Variants in TNRC6C observed in about 807,000 individuals in gnomAD.
TNRC6C encodes the protein trinucleotide repeat-containing gene 6C protein.
Under a neutral mutation model 153.7 loss-of-function variants are expected in TNRC6C, and 20 were observed. The ratio of observed to expected loss-of-function variants is 0.13; its 90% CI spans 0.09 to 0.19. The LOEUF (loss-of-function observed/expected upper bound fraction) is 0.19, where lower values mean the gene tolerates loss of function less well. Ranked by LOEUF, TNRC6C falls within the 10% of genes least tolerant of loss-of-function variation. The pLI, the probability that TNRC6C is intolerant of heterozygous loss-of-function variation, is 1.00. For missense variants in TNRC6C, 1,987 were observed against 2,172.0 expected (o/e 0.91, Z 1.69); for synonymous variants, 811 against 841.4 (o/e 0.96, Z 0.63).
rs370401770 is a variant in TNRC6C, at chr17:78,054,117, C to T, written c.2395+2660C>T. On this transcript the variant is annotated intron_variant, in intron 3 of 19. Coordinates refer to ENST00000301624, the Ensembl canonical transcript of TNRC6C. ...CTGAATACTGTAGGCAGTTGTAGGA[C>T]GATGGTAAGTATTTATATATCTAAA... Among the ~76,000 whole-genome samples the T allele has an allele frequency of 4.7e-4, 72 of 152,118 alleles. 1 individual carries two copies. Among genetic ancestry groups the T allele is most frequent in the South Asian group, 1.0e-3 (5 of 4,820 alleles).
At chr17:78,058,132 C>T (rs1447793567) in intron 3 of TNRC6C, among the ~76,000 whole-genome samples, 1 of 152,218 alleles carries the variant, frequency 6.6e-6, no homozygotes, top group African/African-American at 2.4e-5. Context: ...ATTACTCAGT[C>T]TCTGGTGCGA....
At chr17:78,091,407 G>C (rs763586372) in intron 13 of TNRC6C, 33 bp from the exon 16 acceptor site, 1 of 1,534,926 alleles carries the variant, frequency 6.5e-7, no homozygotes, top group East Asian at 2.5e-5. Flanking sequence ...ATTTAGAGGA[G>C]CAGGCGAATC....
intron 8 of TNRC6C, 124 bp from the exon 11 acceptor site, chr17:78,077,061 C>T: frequency 9.1e-7 from 1 of 1,104,682 alleles, no homozygotes; most frequent in Non-Finnish European, 1.3e-6. Flanking sequence ...ATTCCCTTAT[C>T]CACACTTTTT....
upstream of TNRC6C, among the ~76,000 whole-genome samples, chr17:78,002,792 C>T (rs544672031): frequency 7.9e-5 from 12 of 152,324 alleles, no homozygotes; most frequent in South Asian, 4.1e-4. Flanking sequence ...CCACCTCCCT[C>T]CATCCTTGTT....
upstream of TNRC6C, among the ~76,000 whole-genome samples, chr17:78,000,866 CAT>C (rs1250657605): frequency 1.3e-5 from 2 of 152,154 alleles, no homozygotes; most frequent in Non-Finnish European, 2.9e-5. Flanking sequence ...TAATTTGTAA[CAT>C]TTTTCATCCA....
At chr17:78,077,199 G>A in exon 9 of TNRC6C, 1 of 1,602,152 alleles carries the variant, frequency 6.2e-7, no homozygotes, top group Non-Finnish European at 8.5e-7. Flanking sequence ...GCGGCCTCGT[G>A]GAAGAGCCCA....
chr17:77,999,333 C>T (rs181891568), upstream of TNRC6C, among the ~76,000 whole-genome samples: 1 of 152,330 alleles, frequency 6.6e-6, no homozygotes, highest in African/African-American at 2.4e-5. Flanking sequence ...GGGCCCACTC[C>T]CTGGGCAAAG....
intron 9 of TNRC6C, chr17:78,077,725 G>A (rs2073109203): frequency 1.0e-5 from 2 of 195,992 alleles, no homozygotes. Context: ...CTGCGAGAAA[G>A]CACCACATTC....
chr17:77,982,532 A>G (rs933910032), intron 1 of TNRC6C, among the ~76,000 whole-genome samples: 1 of 152,244 alleles, frequency 6.6e-6, no homozygotes, highest in African/African-American at 2.4e-5. Context: ...AAAAAGGATC[A>G]TAGAATAGGA....
intron 1 of TNRC6C, among the ~76,000 whole-genome samples, chr17:77,967,728 A>G (rs2070909260): frequency 6.6e-6 from 1 of 152,236 alleles, no homozygotes; most frequent in Non-Finnish European, 1.5e-5. Context: ...GATCAATTAC[A>G]AGGTAATTCC....
intron 10 of TNRC6C, among the ~76,000 whole-genome samples, chr17:78,081,995 C>T (rs983206675): frequency 3.3e-5 from 5 of 151,866 alleles, no homozygotes; most frequent in East Asian, 1.9e-4. Flanking sequence ...TTATTCTTTA[C>T]GTGCTAACTA....
chr17:78,105,113 ATTTTT>A (rs57885030), exon 20 of TNRC6C: 12 of 296,008 alleles, frequency 4.1e-5, no homozygotes, highest in African/African-American at 2.1e-4. Flanking sequence ...TGTCATTTTG[ATTTTT>A]TTTTTTTTTT....
rs199763154 is a variant in TNRC6C at position 78,016,226 on chromosome 17, GTCTC to G, written c.-546+11152_-546+11155del. On this transcript the variant is annotated intron_variant, in intron 1 of 19. Coordinates refer to ENST00000301624, the Ensembl canonical transcript of TNRC6C. Reference sequence around the variant, plus strand: ...GGGGTCAGGAAGCGGCACTAACACTGTCTCTCTCAGCCACAAAAGGAGCGATTGG... The same window carrying G: ...GGGGTCAGGAAGCGGCACTAACACTGTCTCAGCCACAAAAGGAGCGATTGG... 7.5e-3 allele frequency among the ~76,000 whole-genome samples: 1,136 copies of G among 152,306 alleles called. 7 individuals carry two copies. Among genetic ancestry groups the G allele is most frequent in the Admixed American group, 0.013 (199 of 15,298 alleles).
chr17:78,076,072 C>T (rs899704901), intron 8 of TNRC6C, among the ~76,000 whole-genome samples: 4 of 151,790 alleles, frequency 2.6e-5, no homozygotes, highest in African/African-American at 7.3e-5. Context: ...CAAGAATTAG[C>T]GAGCATGGTG....
Position 78,084,627 on chromosome 17 carries a change from T to C in TNRC6C, c.3477+1461T>C, listed in dbSNP as rs573894386. On this transcript the variant is annotated intron_variant, in intron 11 of 19. Coordinates refer to ENST00000301624, the Ensembl canonical transcript of TNRC6C. The stretch of plus-strand genomic sequence containing the variant: ...GTTTTTTCTTTTTCTTTTTCTTTTT[T>C]TTTTTTTTTTGAGACGGCGTCTTGC... Among the ~76,000 whole-genome samples, 57 of 150,430 alleles carry C rather than the reference T, an allele frequency of 3.8e-4. 2 individuals carry two copies. In the South Asian group the frequency reaches 9.7e-3, roughly 26 times the overall value.
rs1164204282 is a variant in TNRC6C at position 78,104,756 on chromosome 17, C to G, written c.4984C>G (p.Pro1662Ala). 8.7e-6 allele frequency: 13 copies of G among 1,492,466 alleles called. No individual in the cohort carries two copies. The highest frequency in any genetic ancestry group is 2.3e-4 in the Middle Eastern group (1 of 4,282). 92.5% of individuals were successfully genotyped at this position (1,492,466 alleles called of 1,614,324 possible). A position where few individuals can be genotyped will look rare whatever the true frequency, so the allele number is the denominator to read the frequency against. The change falls in exon 20 of 20, where the codon CCC becomes GCC. Residue 1662 changes from proline (P) to alanine (A), a missense_variant. This residue lies in a region of TNRC6C where 139 missense variants were observed against 148.5 expected (regional missense o/e 0.94). Transcript: ENST00000301624. This position sits in a 1 kb window ranked among gnomAD's most constrained non-coding sequence, Gnocchi z 6.2. ...GTACTCCAGCAGCCTGTGGGGCCCG[C>G]CCAGCGCCGACGACAGCAGGGTGAT...
intron 2 of TNRC6C, among the ~76,000 whole-genome samples, chr17:78,046,346 A>C (rs1598729213): frequency 6.6e-6 from 1 of 151,986 alleles, no homozygotes; most frequent in East Asian, 1.9e-4. Flanking sequence ...ACACCCGGCT[A>C]ATTTTTGTGT....
chr17:78,052,316 C>T (rs780425103), intron 3 of TNRC6C, among the ~76,000 whole-genome samples: 2 of 152,076 alleles, frequency 1.3e-5, no homozygotes, highest in African/African-American at 4.8e-5. Flanking sequence ...GACTGGGGCC[C>T]CTGGAGGGTT....
chr17:77,961,436 G>C (rs899163465), intron 1 of TNRC6C, among the ~76,000 whole-genome samples: 1 of 152,182 alleles, frequency 6.6e-6, no homozygotes, highest in African/African-American at 2.4e-5. Flanking sequence ...GATTACAGGC[G>C]TGAGCCACCA....
Sources: gnomAD v4.1 joint callset for allele counts (sites outside exome capture counted in the v4.1 genomes callset) on GRCh38, gnomAD v4.1.1 for gene constraint, gnomAD v4.1.1 regional missense constraint, Gnocchi (gnomAD v3.1) non-coding constraint, MANE v1.5 for transcripts, NCBI Gene and HGNC (gene_info 2026-07-23, HGNC 2026-07-21) for gene names.